DMC1: variants seen among roughly 807,000 people sequenced by gnomAD.
The protein encoded by DMC1 is meiotic recombination protein DMC1 homolog.
A neutral mutation model predicts 50.1 loss-of-function variants in DMC1; 27 were observed. The ratio of observed to expected loss-of-function variants is 0.54; its 90% confidence interval spans 0.40 to 0.74. The LOEUF (loss-of-function observed/expected upper bound fraction) is 0.74, where lower values mean the gene tolerates loss of function less well. Among genes scored for constraint, DMC1 ranks in the 30% least tolerant of loss-of-function variants. The pLI is 0.00. For missense variants in DMC1, 295 were observed against 420.2 expected, an observed-to-expected ratio of 0.70 and a Z score of 2.60; for synonymous variants, 148 against 136.1, an observed-to-expected ratio of 1.09 and a Z score of -0.61.
At chr22:38,510,347 C>T in the DMC1 span, among the ~76,000 whole-genome samples, 1 of 151,998 alleles carries the variant, frequency 6.6e-6, no homozygotes, top group African/African-American at 2.4e-5. Flanking sequence ...CACAGCTACT[C>T]GAGAGCCTGA....
At chr22:38,526,249 G>T (rs935458694) in intron 12 of DMC1, among the ~76,000 whole-genome samples, 1 of 151,712 alleles carries the variant, frequency 6.6e-6, no homozygotes, top group Non-Finnish European at 1.5e-5. Context: ...CTGTTGCCCA[G>T]GCTGGAGTGC....
At chr22:38,528,343 T>TG (rs1189264978) in intron 12 of DMC1, among the ~76,000 whole-genome samples, 10 of 151,886 alleles carry the variant, frequency 6.6e-5, no homozygotes, top group African/African-American at 2.4e-4. Flanking sequence ...GGATTACAGG[T>TG]GTGAGCCACT....
intron 7 of DMC1, 33 bp downstream of exon 7, chr22:38,552,633 A>G: frequency 7.0e-7 from 1 of 1,437,084 alleles, no homozygotes; most frequent in Non-Finnish European, 9.8e-7. Flanking sequence ...AATAGCCATG[A>G]TTATTATTGT....
the DMC1 span, among the ~76,000 whole-genome samples, chr22:38,513,514 T>C: frequency 3.3e-5 from 5 of 152,222 alleles, no homozygotes; most frequent in Admixed American, 3.3e-4. Flanking sequence ...CCAATCCTTC[T>C]CCTCACCATG....
chr22:38,557,648 G>A (rs770199641), intron 5 of DMC1, among the ~76,000 whole-genome samples: 1 of 152,168 alleles, frequency 6.6e-6, no homozygotes, highest in African/African-American at 2.4e-5. Context: ...CTGGGTGACA[G>A]AGTGAGACCG....
chr22:38,512,938 G>A, the DMC1 span, among the ~76,000 whole-genome samples: 4 of 152,094 alleles, frequency 2.6e-5, no homozygotes, highest in Admixed American at 6.6e-5. Context: ...ACAAAAATTA[G>A]CTGGGTGGGG....
At chr22:38,547,838 C>T (rs899351995) in intron 8 of DMC1, among the ~76,000 whole-genome samples, 2 of 152,186 alleles carry the variant, frequency 1.3e-5, no homozygotes, top group Non-Finnish European at 2.9e-5. Flanking sequence ...GGTGCCTAGC[C>T]TTCTTCCTTT....
chr22:38,538,279 T>C lies in DMC1; in HGVS notation c.775+16A>G, dbSNP rs1342349534. 6.2e-7 allele frequency: 1 copy of C among 1,604,796 alleles called. No homozygotes were observed. The highest frequency in any genetic ancestry group is 8.5e-7 in the Non-Finnish European group (1 of 1,171,454). On this transcript the variant is annotated intron_variant, in intron 11 of 13. Transcript: ENST00000216024. Reference sequence around the variant, plus strand: ...ACAAACATAGTCACAGATGCCATTTTATTTTAAAGATATACCTTCTGAGAT... The same window carrying C: ...ACAAACATAGTCACAGATGCCATTTCATTTTAAAGATATACCTTCTGAGAT...
At chr22:38,544,733 C>A (rs1236420663) in intron 8 of DMC1, among the ~76,000 whole-genome samples, 2 of 151,726 alleles carry the variant, frequency 1.3e-5, no homozygotes, top group Non-Finnish European at 2.9e-5. Context: ...TCAAGCAATT[C>A]CCCTGCCTCA....
intron 4 of DMC1, among the ~76,000 whole-genome samples, chr22:38,563,142 A>AT (rs368636379): frequency 2.0e-5 from 3 of 152,030 alleles, no homozygotes; most frequent in East Asian, 1.9e-4. Context: ...CAACAGCATC[A>AT]TTTTTTTTCC....
At chr22:38,559,331 A>C (rs1240295358) in intron 5 of DMC1, among the ~76,000 whole-genome samples, 1 of 151,790 alleles carries the variant, frequency 6.6e-6, no homozygotes, top group Non-Finnish European at 1.5e-5. Context: ...GTGCCCAGCC[A>C]TTTTTTTGGT....
the DMC1 span, among the ~76,000 whole-genome samples, chr22:38,510,661 TTTC>T: frequency 6.6e-6 from 1 of 152,204 alleles, no homozygotes; most frequent in Non-Finnish European, 1.5e-5. Flanking sequence ...CCCTTATCTT[TTTC>T]TTCATGTTTT....
intron 1 of DMC1, 47 bp downstream of exon 1, chr22:38,569,996 G>A (rs1202480923): frequency 6.6e-6 from 1 of 152,246 alleles, no homozygotes. Context: ...TTCTCAAAAC[G>A]AGCGTCCCCT....
At chr22:38,521,131 G>T (rs1028297941) in intron 13 of DMC1, among the ~76,000 whole-genome samples, 2 of 152,084 alleles carry the variant, frequency 1.3e-5, no homozygotes, top group Non-Finnish European at 2.9e-5. Flanking sequence ...TTAGGGAAAG[G>T]TTCCCTGAGA....
intron 12 of DMC1, among the ~76,000 whole-genome samples, chr22:38,529,156 G>C (rs553501754): frequency 6.6e-6 from 1 of 151,992 alleles, no homozygotes; most frequent in Non-Finnish European, 1.5e-5. Flanking sequence ...GACTACAGGC[G>C]TGTGCCACCA....
chr22:38,555,083 C>T (rs1471255128), intron 6 of DMC1, among the ~76,000 whole-genome samples: 1 of 144,836 alleles, frequency 6.9e-6, no homozygotes, highest in Non-Finnish European at 1.5e-5. Context: ...CAGCGAGACT[C>T]CGTCTCAAAA....
At chr22:38,509,901 AAGTGATCCACCCACCTTGGCCTCC>A in the DMC1 span, among the ~76,000 whole-genome samples, 1 of 152,058 alleles carries the variant, frequency 6.6e-6, no homozygotes, top group Non-Finnish European at 1.5e-5. Flanking sequence ...TCCTGACCTC[AAGTGATCCACCCACCTTGGCCTCC>A]CAAAGTGCTA....
intron 12 of DMC1, among the ~76,000 whole-genome samples, chr22:38,536,707 C>T (rs1348665192): frequency 6.6e-6 from 1 of 152,120 alleles, no homozygotes; most frequent in Non-Finnish European, 1.5e-5. Context: ...TCCTCCCATA[C>T]CCCTTTAGCC....
At chr22:38,556,135 C>T (rs1391901419) in intron 5 of DMC1, among the ~76,000 whole-genome samples, 1 of 152,076 alleles carries the variant, frequency 6.6e-6, no homozygotes, top group Non-Finnish European at 1.5e-5. Flanking sequence ...CCCAGCCCAT[C>T]TTAGTTATTA....
Sources: gnomAD v4.1 joint callset for allele counts (sites outside exome capture counted in the v4.1 genomes callset) on GRCh38, gnomAD v4.1.1 for gene constraint, MANE v1.5 for transcripts, NCBI Gene and HGNC (gene_info 2026-07-23, HGNC 2026-07-21) for gene names.